The following LINGO2 variants were observed in gnomAD, a reference collection of about 807,000 sequenced individuals.
The protein encoded by LINGO2 is leucine rich repeat and Ig domain containing 2.
LINGO2 carries 14 observed loss-of-function variants against 30.6 expected under a neutral mutation model. The observed-to-expected ratio is 0.46, with a 90% CI of 0.30 to 0.72. The LOEUF (loss-of-function observed/expected upper bound fraction) is 0.72. Ranked by LOEUF, LINGO2 falls within the 30% of genes least tolerant of loss-of-function variation. The pLI, the probability that LINGO2 is intolerant of heterozygous loss-of-function variation, is 0.07. For missense variants in LINGO2, 729 were observed against 751.7 expected (o/e 0.97, Z 0.35); for synonymous variants, 317 against 288.5 (o/e 1.10, Z -1.00).
chr9:28,182,384 C>G (rs980708446), intron 4 of LINGO2, among the ~76,000 whole-genome samples: 1 of 152,096 alleles, frequency 6.6e-6, no homozygotes, highest in African/African-American at 2.4e-5. Flanking sequence ...TAGGCAATAC[C>G]ATTCAGGACA....
Position 28,051,232 on chromosome 9 carries a change from G to T in LINGO2, c.-86-38827C>A, listed in dbSNP as rs550035458. Among the ~76,000 whole-genome samples, 56 of 141,062 alleles carry T rather than the reference G, an allele frequency of 4.0e-4. No individual in the cohort carries two copies. In the East Asian group the frequency reaches 9.0e-3, roughly 23 times the overall value. The allele number at this position is 141,062 out of a possible 152,430, so 92.5% of individuals were successfully genotyped here. ...ATCAGCTAGTATAGTTTTCTCCAAA[G>T]TGAAGACTGAAAACTATCAGAAAGA... On this transcript the variant is annotated intron_variant, in intron 4 of 5. Coordinates refer to ENST00000379992, the Ensembl canonical transcript of LINGO2.
At chr9:28,569,312 G>A (rs1289158796) in intron 1 of LINGO2, among the ~76,000 whole-genome samples, 1 of 151,850 alleles carries the variant, frequency 6.6e-6, no homozygotes. Flanking sequence ...AATGAAATCA[G>A]TATCTTGAAG....
At chr9:28,006,538 G>A (rs1440342161) in intron 5 of LINGO2, among the ~76,000 whole-genome samples, 2 of 152,000 alleles carry the variant, frequency 1.3e-5, no homozygotes, top group Non-Finnish European at 2.9e-5. Context: ...TCAACTCCAG[G>A]GACACAGAAT....
At chr9:28,535,059 G>A (rs779953807) in intron 1 of LINGO2, among the ~76,000 whole-genome samples, 4 of 152,030 alleles carry the variant, frequency 2.6e-5, no homozygotes, top group Admixed American at 6.6e-5. Flanking sequence ...ATTCTTCTCC[G>A]AGGAAATTAC....
chr9:28,045,384 G>A (rs550833177), intron 4 of LINGO2, among the ~76,000 whole-genome samples: 15 of 152,212 alleles, frequency 9.9e-5, no homozygotes, highest in African/African-American at 2.4e-4. Flanking sequence ...CAAGTTTTCC[G>A]AATTACCTAA....
At chr9:28,968,250 T>A in the LINGO2 span, among the ~76,000 whole-genome samples, 2 of 152,184 alleles carry the variant, frequency 1.3e-5, no homozygotes, top group Non-Finnish European at 2.9e-5. Flanking sequence ...GTTTTTGCTC[T>A]AGAAATTGAT....
intron 4 of LINGO2, among the ~76,000 whole-genome samples, chr9:28,269,078 T>G (rs549090734): frequency 1.3e-5 from 2 of 152,230 alleles, no homozygotes; most frequent in African/African-American, 4.8e-5. Flanking sequence ...TACACATCCT[T>G]CAAGTTCCAG....
At chr9:28,698,503 C>T in the LINGO2 span, among the ~76,000 whole-genome samples, 1 of 152,006 alleles carries the variant, frequency 6.6e-6, no homozygotes, top group Non-Finnish European at 1.5e-5. Flanking sequence ...TGTTTTAAAT[C>T]ATCTAGCACA....
chr9:28,226,709 GAGAA>G (rs1169709134), intron 4 of LINGO2, among the ~76,000 whole-genome samples: 4 of 150,838 alleles, frequency 2.7e-5, no homozygotes, highest in African/African-American at 4.9e-5. Flanking sequence ...GAAAGAGAAA[GAGAA>G]AGAAAGAAAG....
chr9:27,972,873 T>C (rs563264628), intron 5 of LINGO2, among the ~76,000 whole-genome samples: 2 of 152,324 alleles, frequency 1.3e-5, no homozygotes, highest in East Asian at 3.9e-4. Context: ...ACTTTAACAC[T>C]TGAATCAGTA....
intron 1 of LINGO2, among the ~76,000 whole-genome samples, chr9:28,612,708 C>A (rs544475866): frequency 8.5e-5 from 13 of 152,206 alleles, no homozygotes; most frequent in Non-Finnish European, 1.8e-4. Flanking sequence ...GTAGAAGGCA[C>A]TTGCTTTGTC....
the LINGO2 span, among the ~76,000 whole-genome samples, chr9:28,750,456 G>C: frequency 6.6e-6 from 1 of 152,100 alleles, no homozygotes; most frequent in Non-Finnish European, 1.5e-5. Context: ...GTCTGCTGTG[G>C]TTCCTAATCC....
chr9:27,999,165 A>G (rs1205061159), intron 5 of LINGO2, among the ~76,000 whole-genome samples: 3 of 152,086 alleles, frequency 2.0e-5, no homozygotes, highest in Non-Finnish European at 4.4e-5. Flanking sequence ...GCACATAACT[A>G]AAAATGAAAA....
chr9:28,378,471 A>T (rs980001814), intron 2 of LINGO2, among the ~76,000 whole-genome samples: 1 of 152,170 alleles, frequency 6.6e-6, no homozygotes, highest in Non-Finnish European at 1.5e-5. Flanking sequence ...TTAATGAAGC[A>T]TGCAGCTAAT....
chr9:28,161,876 C>A (rs1000686736), intron 4 of LINGO2, among the ~76,000 whole-genome samples: 2 of 152,108 alleles, frequency 1.3e-5, no homozygotes, highest in African/African-American at 4.8e-5. Context: ...GTAAATAATT[C>A]TTTTATGTAA....
chr9:29,021,422 G>A, the LINGO2 span, among the ~76,000 whole-genome samples: 1 of 152,116 alleles, frequency 6.6e-6, no homozygotes, highest in Non-Finnish European at 1.5e-5. Flanking sequence ...ACTTTGGGAG[G>A]CGATGCGGGC....
the LINGO2 span, among the ~76,000 whole-genome samples, chr9:29,161,006 AAGAG>A: frequency 7.2e-5 from 11 of 152,138 alleles, no homozygotes; most frequent in African/African-American, 1.2e-4. Context: ...CGCCCAAAGA[AAGAG>A]AGAGAACCAG....
At chr9:28,430,107 C>T (rs62555194) in intron 2 of LINGO2, among the ~76,000 whole-genome samples, 34 of 18,226 alleles carry the variant, frequency 1.9e-3, no homozygotes, top group African/African-American at 2.9e-3. Context: ...CGCGCGCGCG[C>T]GCGTGTGTGT....
chr9:28,418,470 G>A (rs1823057569), intron 2 of LINGO2, among the ~76,000 whole-genome samples: 1 of 151,668 alleles, frequency 6.6e-6, no homozygotes, highest in Admixed American at 6.6e-5. Flanking sequence ...GCAGAGATGG[G>A]GTTTCACCAT....
Sources: gnomAD v4.1 joint callset for allele counts (sites outside exome capture counted in the v4.1 genomes callset) on GRCh38, gnomAD v4.1.1 for gene constraint, MANE v1.5 for transcripts, NCBI Gene and HGNC (gene_info 2026-07-23, HGNC 2026-07-21) for gene names.